The following H2BN1 variants were observed in gnomAD, a reference collection of about 807,000 sequenced individuals.
H2BN1 encodes the protein histone H2B.N.
the H2BN1 span, among the ~76,000 whole-genome samples, chr17:32,902,911 CT>C: frequency 5.9e-5 from 9 of 152,060 alleles, no homozygotes; most frequent in South Asian, 1.9e-3. Context: ...TTTGTAACCC[CT>C]ATACCAAATT....
the H2BN1 span, among the ~76,000 whole-genome samples, chr17:32,902,100 C>T: frequency 3.5e-4 from 51 of 147,364 alleles, 1 homozygote; most frequent in East Asian, 8.7e-3. Flanking sequence ...TTTCTCTTTA[C>T]GCTTTCTTAC....
At chr17:32,905,152 A>G in the H2BN1 span, among the ~76,000 whole-genome samples, 15 of 152,186 alleles carry the variant, frequency 9.9e-5, no homozygotes, top group Admixed American at 9.8e-4. Context: ...GTGAGCTCAA[A>G]CTCCATAAAG....
At chr17:32,903,141 A>G in the H2BN1 span, among the ~76,000 whole-genome samples, 1 of 151,542 alleles carries the variant, frequency 6.6e-6, no homozygotes, top group Non-Finnish European at 1.5e-5. Context: ...CAAGTGTTTT[A>G]TTTTCTTAAG....
chr17:32,901,935 A>G, the H2BN1 span, among the ~76,000 whole-genome samples: 26 of 152,278 alleles, frequency 1.7e-4, no homozygotes, highest in South Asian at 5.0e-3. Flanking sequence ...ACTTGATCAT[A>G]TAAAACTTTT....
At chr17:32,901,075 G>T in the H2BN1 span, among the ~76,000 whole-genome samples, 1 of 152,044 alleles carries the variant, frequency 6.6e-6, no homozygotes, top group Non-Finnish European at 1.5e-5. Context: ...GGGCATGGTG[G>T]CATGTGCCTA....
chr17:32,901,710 G>A, the H2BN1 span, among the ~76,000 whole-genome samples: 1 of 152,088 alleles, frequency 6.6e-6, no homozygotes, highest in Non-Finnish European at 1.5e-5. Flanking sequence ...ACTATTTTGT[G>A]CCCTTTAAAA....
chr17:32,898,823 A>C, the H2BN1 span, among the ~76,000 whole-genome samples: 1 of 152,240 alleles, frequency 6.6e-6, no homozygotes, highest in Admixed American at 6.5e-5. Flanking sequence ...TCCATACTTT[A>C]GTAGGCAGGT....
the H2BN1 span, among the ~76,000 whole-genome samples, chr17:32,901,463 A>G: frequency 6.6e-6 from 1 of 152,252 alleles, no homozygotes; most frequent in South Asian, 2.1e-4. Context: ...CTGGGCCTTG[A>G]GGAGTTGAAT....
the H2BN1 span, among the ~76,000 whole-genome samples, chr17:32,904,537 G>A: frequency 6.6e-6 from 1 of 152,092 alleles, no homozygotes; most frequent in African/African-American, 2.4e-5. Context: ...AAGAGGTCAG[G>A]TCATGTAATA....
the H2BN1 span, among the ~76,000 whole-genome samples, chr17:32,902,113 A>AG: frequency 1.2e-5 from 1 of 82,186 alleles, no homozygotes; most frequent in South Asian, 4.2e-4. Flanking sequence ...TTTCTTACCG[A>AG]AAAAAAAAAA....
At chr17:32,905,639 A>G in the H2BN1 span, 1 of 152,206 alleles carries the variant, frequency 6.6e-6, no homozygotes, top group Non-Finnish European at 1.5e-5. Flanking sequence ...TAGTAGGGGC[A>G]CAGTGTGTTT....
chr17:32,900,593 T>G, the H2BN1 span, among the ~76,000 whole-genome samples: 1 of 152,088 alleles, frequency 6.6e-6, no homozygotes, highest in Non-Finnish European at 1.5e-5. Flanking sequence ...ACAATTTTTT[T>G]TTTTTTGAAA....
At chr17:32,897,698 T>C in the H2BN1 span, among the ~76,000 whole-genome samples, 1 of 151,720 alleles carries the variant, frequency 6.6e-6, no homozygotes, top group South Asian at 2.1e-4. Flanking sequence ...ATCTGAAGAG[T>C]GCTGTTGAGT....
At chr17:32,895,805 C>T in the H2BN1 span, among the ~76,000 whole-genome samples, 5 of 152,214 alleles carry the variant, frequency 3.3e-5, no homozygotes, top group Non-Finnish European at 5.9e-5. Flanking sequence ...CGTTTTCTTT[C>T]TGTTGGCAGC....
the H2BN1 span, among the ~76,000 whole-genome samples, chr17:32,901,768 G>A: frequency 2.0e-5 from 3 of 152,058 alleles, no homozygotes; most frequent in African/African-American, 4.8e-5. Flanking sequence ...GTTGAACTTT[G>A]GGCTAAAAAA....
the H2BN1 span, among the ~76,000 whole-genome samples, chr17:32,902,112 GA>G: frequency 0.098 from 13,859 of 141,708 alleles, 1,255 homozygotes; most frequent in African/African-American, 0.23. Context: ...CTTTCTTACC[GA>G]AAAAAAAAAA....
At chr17:32,899,204 A>T in the H2BN1 span, among the ~76,000 whole-genome samples, 1 of 152,236 alleles carries the variant, frequency 6.6e-6, no homozygotes, top group Non-Finnish European at 1.5e-5. Context: ...ATTTGCATAT[A>T]GTATAGCAAG....
At chr17:32,897,885 A>C in the H2BN1 span, among the ~76,000 whole-genome samples, 4 of 152,256 alleles carry the variant, frequency 2.6e-5, no homozygotes. Flanking sequence ...TTAATGTGAA[A>C]TATAAAGTGG....
the H2BN1 span, among the ~76,000 whole-genome samples, chr17:32,897,260 A>G: frequency 6.6e-6 from 1 of 151,626 alleles, no homozygotes; most frequent in East Asian, 1.9e-4. Flanking sequence ...TAGAACCAGG[A>G]AAACTTTTTG....
Sources: gnomAD v4.1 joint callset for allele counts (sites outside exome capture counted in the v4.1 genomes callset) on GRCh38, gnomAD v4.1.1 for gene constraint, MANE v1.5 for transcripts, NCBI Gene and HGNC (gene_info 2026-07-23, HGNC 2026-07-21) for gene names.